ARHGAP28: variants seen among roughly 807,000 people sequenced by gnomAD.
The protein encoded by ARHGAP28 is Rho GTPase activating protein 28, also known as rho GTPase-activating protein 28.
A neutral mutation model predicts 90.7 loss-of-function variants in ARHGAP28; 56 were observed. The observed-to-expected ratio is 0.62, with a 90% CI of 0.50 to 0.77. The LOEUF is 0.77. ARHGAP28 is among the 30% of genes least tolerant of loss of function. The pLI is 0.00. For missense variants in ARHGAP28, 869 were observed against 900.9 expected, an observed-to-expected ratio of 0.96 and a Z score of 0.45; for synonymous variants, 308 against 323.3, an observed-to-expected ratio of 0.95 and a Z score of 0.51.
intron 1 of ARHGAP28, among the ~76,000 whole-genome samples, chr18:6,799,735 C>T (rs1225649565): frequency 2.6e-5 from 4 of 152,060 alleles, no homozygotes; most frequent in Non-Finnish European, 5.9e-5. Context: ...AAGACTTAAA[C>T]GTAAGACCTA....
intron 1 of ARHGAP28, among the ~76,000 whole-genome samples, chr18:6,819,743 T>C (rs1431498735): frequency 6.6e-6 from 1 of 152,208 alleles, no homozygotes; most frequent in Non-Finnish European, 1.5e-5. Flanking sequence ...TGTAGTCCCA[T>C]GGTGTTTATC....
chr18:6,753,073 G>T (rs959683386), intron 1 of ARHGAP28, among the ~76,000 whole-genome samples: 5 of 152,194 alleles, frequency 3.3e-5, no homozygotes, highest in African/African-American at 1.2e-4. Flanking sequence ...GCTTAGTTGA[G>T]TGATTCTGGG....
chr18:6,786,077 A>G (rs2056362594), intron 1 of ARHGAP28, among the ~76,000 whole-genome samples: 1 of 152,180 alleles, frequency 6.6e-6, no homozygotes, highest in South Asian at 2.1e-4. Flanking sequence ...GGGAGGAACA[A>G]TTGGGAGGGA....
intron 1 of ARHGAP28, among the ~76,000 whole-genome samples, chr18:6,739,896 C>A (rs572649915): frequency 6.9e-6 from 1 of 144,600 alleles, no homozygotes; most frequent in Non-Finnish European, 1.5e-5. Context: ...CTCTCGTTGT[C>A]CAGGCTTGTG....
intron 4 of ARHGAP28, among the ~76,000 whole-genome samples, chr18:6,859,289 G>A (rs9952285): frequency 0.013 from 2,004 of 152,216 alleles, 42 homozygotes; most frequent in African/African-American, 0.046. Flanking sequence ...TAGGCCAGCC[G>A]CATGGACACA....
intron 10 of ARHGAP28, among the ~76,000 whole-genome samples, chr18:6,876,477 G>T (rs970269934): frequency 6.6e-6 from 1 of 151,998 alleles, no homozygotes; most frequent in Non-Finnish European, 1.5e-5. Flanking sequence ...CTTGCCTTTA[G>T]TTTGGAAAAA....
intron 5 of ARHGAP28, among the ~76,000 whole-genome samples, chr18:6,863,771 A>G (rs2057016076): frequency 6.7e-6 from 1 of 148,846 alleles, no homozygotes; most frequent in African/African-American, 2.5e-5. Context: ...CATTGTAGGC[A>G]TAAAGCTTTG....
intron 2 of ARHGAP28, among the ~76,000 whole-genome samples, chr18:6,830,474 C>T (rs1005347300): frequency 6.6e-6 from 1 of 152,146 alleles, no homozygotes; most frequent in Non-Finnish European, 1.5e-5. Flanking sequence ...TCCCTTAGCC[C>T]CCCAGCCCCT....
intron 6 of ARHGAP28, among the ~76,000 whole-genome samples, chr18:6,869,862 A>G (rs1196997491): frequency 6.6e-6 from 1 of 152,212 alleles, no homozygotes; most frequent in African/African-American, 2.4e-5. Flanking sequence ...CTGAAATCTG[A>G]ATCCGAAATC....
At chr18:6,839,434 T>C (rs8086382) in intron 3 of ARHGAP28, among the ~76,000 whole-genome samples, 26,445 of 151,884 alleles carry the variant, frequency 0.17, 2,937 homozygotes, top group Middle Eastern at 0.33. Context: ...ACTGGGACTA[T>C]AGGCGCCAGC....
intron 3 of ARHGAP28, among the ~76,000 whole-genome samples, chr18:6,841,460 T>C (rs1342634083): frequency 6.6e-6 from 1 of 151,740 alleles, no homozygotes; most frequent in Non-Finnish European, 1.5e-5. Flanking sequence ...ATAAGTAAGA[T>C]AGATAAGTAT....
intron 1 of ARHGAP28, among the ~76,000 whole-genome samples, chr18:6,764,602 G>A (rs1007701598): frequency 1.8e-4 from 28 of 152,298 alleles, no homozygotes; most frequent in Middle Eastern, 3.4e-3. Flanking sequence ...CAGCCTCCCT[G>A]AGGCAGCAGT....
chr18:6,847,079 TAGGCTGGCAGG>T (rs1459544084), intron 3 of ARHGAP28, among the ~76,000 whole-genome samples: 3 of 152,086 alleles, frequency 2.0e-5, no homozygotes, highest in Non-Finnish European at 4.4e-5. Flanking sequence ...AGTGATTCCA[TAGGCTGGCAGG>T]GAACTGAAAT....
chr18:6,797,902 C>T (rs921850580), intron 1 of ARHGAP28, among the ~76,000 whole-genome samples: 2 of 152,154 alleles, frequency 1.3e-5, no homozygotes, highest in African/African-American at 4.8e-5. Context: ...CCTTGTGATC[C>T]GCCTGCCTCG....
At chr18:6,755,025 C>T (rs1357775794) in intron 1 of ARHGAP28, among the ~76,000 whole-genome samples, 4 of 151,916 alleles carry the variant, frequency 2.6e-5, no homozygotes, top group Non-Finnish European at 2.9e-5. Flanking sequence ...GTACACCTAG[C>T]TACTGTAATC....
rs73386320 is a variant in ARHGAP28 at position 6,875,343 on chromosome 18, T to G, written c.1213-788T>G. Among the ~76,000 whole-genome samples, 311 of 152,312 alleles carry G rather than the reference T, an allele frequency of 2.0e-3. 2 individuals carry two copies. Among genetic ancestry groups the G allele is most frequent in the African/African-American group, 7.2e-3 (298 of 41,568 alleles). ...ATGTTTCTTCTTCCTAAATGTCTGT[T>G]TGCCTCCATACCTAGAAGAATTACC... On this transcript the variant is annotated intron_variant, in intron 9 of 17. Transcript: ENST00000383472.
chr18:6,881,431 A>G (rs2057177069), intron 10 of ARHGAP28, among the ~76,000 whole-genome samples: 2 of 152,238 alleles, frequency 1.3e-5, no homozygotes, highest in African/African-American at 2.4e-5. Context: ...TTGAAAAGAA[A>G]CATGAAGCCT....
chr18:6,747,548 A>G (rs2056033296), intron 1 of ARHGAP28, among the ~76,000 whole-genome samples: 4 of 152,194 alleles, frequency 2.6e-5, no homozygotes, highest in Admixed American at 2.6e-4. Context: ...GGGTGTCTTC[A>G]ACTCTATAGA....
At chr18:6,750,643 G>A (rs923970580) in intron 1 of ARHGAP28, among the ~76,000 whole-genome samples, 9 of 152,334 alleles carry the variant, frequency 5.9e-5, no homozygotes, top group Admixed American at 3.3e-4. Flanking sequence ...GTCACAAGAT[G>A]GTGGAGGACA....
Sources: gnomAD v4.1 joint callset for allele counts (sites outside exome capture counted in the v4.1 genomes callset) on GRCh38, gnomAD v4.1.1 for gene constraint, MANE v1.5 for transcripts, NCBI Gene and HGNC (gene_info 2026-07-23, HGNC 2026-07-21) for gene names.